PIK3CB: variants seen among roughly 807,000 people sequenced by gnomAD.
The protein encoded by PIK3CB is phosphatidylinositol-4,5-bisphosphate 3-kinase catalytic subunit beta.
Under a neutral mutation model 136.8 loss-of-function variants are expected in PIK3CB, and 39 were observed. The observed-to-expected ratio is 0.29, with a 90% confidence interval of 0.22 to 0.37. The LOEUF is 0.37. Among genes scored for constraint, PIK3CB ranks in the 10% least tolerant of loss-of-function variants. PIK3CB has a pLI of 1.00. For missense variants in PIK3CB, 868 were observed against 1,275.4 expected (o/e 0.68, Z 4.87); for synonymous variants, 428 against 436.6 (o/e 0.98, Z 0.25).
intron 19 of PIK3CB, among the ~76,000 whole-genome samples, chr3:138,673,417 C>G (rs2043578073): frequency 6.6e-6 from 1 of 151,990 alleles, no homozygotes; most frequent in South Asian, 2.1e-4. Context: ...GTAAAAAAGA[C>G]ATTACTTACA....
At chr3:138,734,582 A>C in intron 7 of PIK3CB, 52 bp downstream of exon 7, 3 of 1,362,460 alleles carry the variant, frequency 2.2e-6, no homozygotes, top group Non-Finnish European at 3.1e-6. Flanking sequence ...TATGTAAACT[A>C]ACACAATCAC....
chr3:138,712,440 C>T (rs931332134), intron 9 of PIK3CB, 136 bp from the exon 10 acceptor site: 3 of 439,914 alleles, frequency 6.8e-6, no homozygotes, highest in Non-Finnish European at 8.0e-6. Flanking sequence ...AAAATGAGAA[C>T]AAGATATACA....
At chr3:138,659,328 G>C (rs530321592) in intron 21 of PIK3CB, among the ~76,000 whole-genome samples, 2 of 152,240 alleles carry the variant, frequency 1.3e-5, no homozygotes, top group East Asian at 3.9e-4. Context: ...TTGTGACCCT[G>C]CAAGTTGGAA....
intron 2 of PIK3CB, among the ~76,000 whole-genome samples, chr3:138,788,686 G>A (rs2046010675): frequency 1.5e-5 from 2 of 136,504 alleles, no homozygotes; most frequent in South Asian, 4.6e-4. Flanking sequence ...AAAAAGGCCA[G>A]GGGCGGTGGC....
chr3:138,655,578 C>T, intron 23 of PIK3CB, 52 bp from the exon 24 acceptor site: 2 of 1,442,192 alleles, frequency 1.4e-6, no homozygotes, highest in South Asian at 2.3e-5. Flanking sequence ...TAGAGATGTG[C>T]AAATATCAAA....
chr3:138,681,752 C>T (rs1187485433), intron 19 of PIK3CB, among the ~76,000 whole-genome samples: 2 of 152,138 alleles, frequency 1.3e-5, no homozygotes, highest in African/African-American at 4.8e-5. Flanking sequence ...CAAACCTATT[C>T]CTTCTTTCTG....
Position 138,808,761 on chromosome 3 carries a change from T to TAC in PIK3CB, c.-121-12196_-121-12195dup, listed in dbSNP as rs569433725. Among the ~76,000 whole-genome samples, 18 of 151,766 alleles carry TAC rather than the reference T, an allele frequency of 1.2e-4. No individual in the cohort carries two copies. In the South Asian group the frequency reaches 2.1e-3, roughly 17 times the overall value. On this transcript the variant is annotated intron_variant, in intron 1 of 23. Transcript: ENST00000674063. ...CTCTCTCTCTCTCTCTATATATATA[T>TAC]ACACACACACTATACATAATGTTTT...
At chr3:138,788,964 C>CAAA (rs57432821) in intron 2 of PIK3CB, among the ~76,000 whole-genome samples, 46 of 89,464 alleles carry the variant, frequency 5.1e-4, no homozygotes, top group South Asian at 6.7e-4. Context: ...GACTTCGTCT[C>CAAA]AAAAAAAAAA....
intron 1 of PIK3CB, among the ~76,000 whole-genome samples, chr3:138,802,184 G>T (rs1206954571): frequency 2.0e-5 from 3 of 150,014 alleles, no homozygotes; most frequent in Non-Finnish European, 3.0e-5. Context: ...GACCAGCCTG[G>T]CCAACACAGT....
intron 4 of PIK3CB, among the ~76,000 whole-genome samples, chr3:138,746,259 T>C (rs1350480568): frequency 6.6e-6 from 1 of 152,092 alleles, no homozygotes. Flanking sequence ...GTATCTATTC[T>C]CCTCAGTGAT....
intron 10 of PIK3CB, among the ~76,000 whole-genome samples, chr3:138,711,576 TCG>T (rs1210578976): frequency 1.7e-5 from 1 of 57,298 alleles, no homozygotes; most frequent in Admixed American, 3.1e-4. Context: ...CGAAACTCCG[TCG>T]CAAAAAAAAA....
chr3:138,693,936 A>AATATATATATATATAT (rs1179221176), intron 14 of PIK3CB, among the ~76,000 whole-genome samples: 1 of 64,604 alleles, frequency 1.5e-5, no homozygotes. Context: ...ATTTGCTTAA[A>AATATATATATATATAT]ATATATATAT....
intron 4 of PIK3CB, among the ~76,000 whole-genome samples, chr3:138,749,201 A>G (rs1191486006): frequency 6.6e-6 from 1 of 152,202 alleles, no homozygotes; most frequent in Admixed American, 6.5e-5. Flanking sequence ...CGAAAGGGAA[A>G]TAAGTACCCA....
chr3:138,661,998 C>T (rs1385051288), intron 21 of PIK3CB, among the ~76,000 whole-genome samples: 1 of 151,972 alleles, frequency 6.6e-6, no homozygotes, highest in Non-Finnish European at 1.5e-5. Flanking sequence ...CCCCAGAATG[C>T]TATTACTCAC....
intron 10 of PIK3CB, among the ~76,000 whole-genome samples, chr3:138,710,647 T>G (rs72990507): frequency 0.035 from 5,314 of 152,288 alleles, 316 homozygotes; most frequent in African/African-American, 0.12. Context: ...CTAACTTATT[T>G]TCTCTGAGCT....
At chr3:138,686,211 G>T (rs2043889626) in intron 16 of PIK3CB, among the ~76,000 whole-genome samples, 1 of 146,108 alleles carries the variant, frequency 6.8e-6, no homozygotes, top group Admixed American at 6.8e-5. Flanking sequence ...AGCTGAAGTG[G>T]GCGGATCACT....
At chr3:138,788,654 C>T (rs2046009677) in intron 2 of PIK3CB, among the ~76,000 whole-genome samples, 1 of 49,928 alleles carries the variant, frequency 2.0e-5, no homozygotes, top group Non-Finnish European at 3.6e-5. Context: ...AAGACTTTGT[C>T]TCAAAAAAAA....
chr3:138,680,896 C>T (rs867520792), intron 19 of PIK3CB, among the ~76,000 whole-genome samples: 29 of 152,160 alleles, frequency 1.9e-4, no homozygotes, highest in Non-Finnish European at 3.5e-4. Context: ...CCATGTTGGC[C>T]AGGCTGGTCG....
chr3:138,810,256 T>C (rs1932951766), intron 1 of PIK3CB, among the ~76,000 whole-genome samples: 1 of 152,166 alleles, frequency 6.6e-6, no homozygotes, highest in Non-Finnish European at 1.5e-5. Context: ...AAATACTTTG[T>C]GTAGATACAC....
Sources: allele counts gnomAD v4.1 joint callset (sites outside exome capture counted in the v4.1 genomes callset), GRCh38; gene constraint gnomAD v4.1.1; transcripts MANE v1.5; gene names NCBI Gene and HGNC (gene_info 2026-07-23, HGNC 2026-07-21).